Variants in EIF3J observed in about 807,000 individuals in gnomAD.
EIF3J encodes the protein eukaryotic translation initiation factor 3, subunit 1 (alpha, 35kD).
A neutral mutation model predicts 39.0 loss-of-function variants in EIF3J; 15 were observed. The observed-to-expected ratio is 0.38, with a 90% CI of 0.26 to 0.59. The LOEUF is 0.59. EIF3J is among the 20% of genes least tolerant of loss of function. EIF3J has a pLI of 0.60. For missense variants in EIF3J, 226 were observed against 308.6 expected (o/e 0.73, Z 2.00); for synonymous variants, 98 against 112.9 (o/e 0.87, Z 0.84).
intron 3 of EIF3J, 126 bp downstream of exon 3, chr15:44,551,056 C>T: frequency 7.1e-7 from 1 of 1,399,874 alleles, no homozygotes; most frequent in Non-Finnish European, 9.4e-7. Context: ...AAGTGTCCTT[C>T]CATTCCCACT....
intron 5 of EIF3J, among the ~76,000 whole-genome samples, chr15:44,555,441 G>A (rs2082136598): frequency 1.3e-5 from 2 of 152,172 alleles, no homozygotes; most frequent in African/African-American, 4.8e-5. Context: ...CAGATCAACA[G>A]GCTGACTGTA....
At chr15:44,553,283 G>A (rs1482877625) in intron 4 of EIF3J, among the ~76,000 whole-genome samples, 2 of 151,860 alleles carry the variant, frequency 1.3e-5, no homozygotes, top group African/African-American at 4.8e-5. Context: ...ACAAGGTCAG[G>A]AGATCGAGAC....
At chr15:44,560,482 C>A in intron 7 of EIF3J, 160 bp downstream of exon 7, 1 of 591,772 alleles carries the variant, frequency 1.7e-6, no homozygotes, top group Non-Finnish European at 2.8e-6. Flanking sequence ...CTATTACTGT[C>A]CTTTTGTTTC....
At chr15:44,541,761 A>C (rs2082016440) in intron 2 of EIF3J, among the ~76,000 whole-genome samples, 2 of 152,244 alleles carry the variant, frequency 1.3e-5, no homozygotes, top group Non-Finnish European at 2.9e-5. Flanking sequence ...GTGTATGTGT[A>C]ACTTAAGAAA....
At position 44,552,454 on chromosome 15, in the gene EIF3J, G is replaced by A. The variant is rs200874257; in HGVS notation, c.294+932G>A. Among the ~76,000 whole-genome samples the A allele has an allele frequency of 8.6e-5, 13 of 152,024 alleles. No individual in the cohort carries two copies. The East Asian group carries it at 1.2e-3, about 14-fold the overall frequency. On this transcript the variant is annotated intron_variant, in intron 4 of 7. Coordinates refer to ENST00000261868, the MANE Select transcript of EIF3J (RefSeq NM_003758.4). ...GAGATGGGGTTTCGCCATGTTGGCC[G>A]GGCTGGTCTCAAACTCCTGACCTCA...
chr15:44,557,802 A>C, intron 6 of EIF3J, 152 bp downstream of exon 6: 1 of 484,780 alleles, frequency 2.1e-6, no homozygotes, highest in Middle Eastern at 4.5e-4. Flanking sequence ...GTTGTTCTGC[A>C]GATACAGTGA....
At chr15:44,539,360 T>G (rs1473051622) in intron 2 of EIF3J, among the ~76,000 whole-genome samples, 1 of 151,730 alleles carries the variant, frequency 6.6e-6, no homozygotes, top group African/African-American at 2.4e-5. Flanking sequence ...TTGGAACAAG[T>G]TTTGGATATT....
intron 2 of EIF3J, among the ~76,000 whole-genome samples, chr15:44,549,423 A>C (rs1217501596): frequency 1.3e-5 from 2 of 151,992 alleles, no homozygotes; most frequent in Non-Finnish European, 2.9e-5. Context: ...AAAACAACAA[A>C]AAAACAAGAA....
At chr15:44,544,703 TAAAA>T (rs34101594) in intron 2 of EIF3J, among the ~76,000 whole-genome samples, 4 of 85,428 alleles carry the variant, frequency 4.7e-5, no homozygotes, top group African/African-American at 1.5e-4. Context: ...AAACTCCATT[TAAAA>T]AAAAAAAAAA....
chr15:44,561,041 G>A lies in EIF3J; in HGVS notation c.669G>A (p.Lys223=). ...AGCAAAGCAAAGCCAAAAAGAAGAA[G>A]AAAGGTGTGGTTCCTGGAGGGGGAT... ...QEKQSKAKKK[K]KGVVPGGGLK... is the part of the protein sequence containing the mutation. Residue 223 remains lysine (K), a synonymous_variant, in exon 8 of 8, where the codon AAG becomes AAA. Coordinates refer to ENST00000261868, the MANE Select transcript of EIF3J (RefSeq NM_003758.4). 1 of 1,613,578 alleles carries A rather than the reference G, an allele frequency of 6.2e-7. No individual in the cohort carries two copies. The highest frequency in any genetic ancestry group is 8.5e-7 in the Non-Finnish European group (1 of 1,179,798).
chr15:44,537,742 A>G (rs547347720), intron 2 of EIF3J, among the ~76,000 whole-genome samples: 1 of 152,300 alleles, frequency 6.6e-6, no homozygotes, highest in South Asian at 2.1e-4. Flanking sequence ...CTCTCGCAGG[A>G]ATGAGACCGG....
chr15:44,540,812 G>A (rs1162177948), intron 2 of EIF3J, among the ~76,000 whole-genome samples: 3 of 152,158 alleles, frequency 2.0e-5, no homozygotes, highest in East Asian at 1.9e-4. Flanking sequence ...CTTAGTTTCC[G>A]TGAGGTCTTC....
chr15:44,550,578 G>A (rs1284097948), intron 2 of EIF3J: 9 of 197,386 alleles, frequency 4.6e-5, no homozygotes, highest in Non-Finnish European at 9.2e-5. Flanking sequence ...CAACATACAA[G>A]ATGAAATACT....
chr15:44,557,083 C>A (rs916436131), intron 5 of EIF3J, among the ~76,000 whole-genome samples: 1 of 152,136 alleles, frequency 6.6e-6, no homozygotes, highest in Non-Finnish European at 1.5e-5. Flanking sequence ...GCTTCCTTAT[C>A]GATGCATTAA....
intron 5 of EIF3J, among the ~76,000 whole-genome samples, chr15:44,556,208 G>A (rs1309241010): frequency 2.0e-5 from 3 of 152,042 alleles, no homozygotes; most frequent in East Asian, 1.9e-4. Flanking sequence ...GTTTACCCCC[G>A]CTTAGCTTCT....
intron 2 of EIF3J, 113 bp downstream of exon 2, chr15:44,537,540 C>A: frequency 9.0e-7 from 1 of 1,116,534 alleles, no homozygotes; most frequent in Non-Finnish European, 1.2e-6. Flanking sequence ...CAGGCGCGAG[C>A]ATAGGGCCTG....
intron 4 of EIF3J, among the ~76,000 whole-genome samples, chr15:44,552,705 C>T (rs1009293043): frequency 6.6e-6 from 1 of 152,042 alleles, no homozygotes; most frequent in Non-Finnish European, 1.5e-5. Context: ...GGACTGCAGG[C>T]ATGTGCTACC....
At chr15:44,539,300 A>G (rs2081988258) in intron 2 of EIF3J, among the ~76,000 whole-genome samples, 1 of 152,094 alleles carries the variant, frequency 6.6e-6, no homozygotes, top group Admixed American at 6.6e-5. Context: ...TGCTGGAATT[A>G]TAGGCGTGAG....
intron 2 of EIF3J, among the ~76,000 whole-genome samples, chr15:44,541,798 CATTTA>C (rs981327528): frequency 6.6e-6 from 1 of 152,182 alleles, no homozygotes; most frequent in Non-Finnish European, 1.5e-5. Context: ...TAGAGAGAAA[CATTTA>C]ATAAACCAGT....
Sources: allele counts gnomAD v4.1 joint callset (sites outside exome capture counted in the v4.1 genomes callset), GRCh38; gene constraint gnomAD v4.1.1; transcripts MANE v1.5; gene names NCBI Gene and HGNC (gene_info 2026-07-23, HGNC 2026-07-21).